NEMP2: variants seen among roughly 807,000 people sequenced by gnomAD.
The protein encoded by NEMP2 is UPF0571 transmembrane protein.
Under a neutral mutation model 54.2 loss-of-function variants are expected in NEMP2, and 53 were observed. The observed-to-expected ratio is 0.98, with a 90% confidence interval of 0.78 to 1.23. The LOEUF (loss-of-function observed/expected upper bound fraction) is 1.23, where lower values mean the gene tolerates loss of function less well. Ranked by LOEUF, NEMP2 falls within the 50% of genes most tolerant of loss-of-function variation. The pLI is 0.00. For missense variants in NEMP2, 455 were observed against 511.3 expected, an observed-to-expected ratio of 0.89 and a Z score of 1.06; for synonymous variants, 197 against 190.3, an observed-to-expected ratio of 1.04 and a Z score of -0.29.
At chr2:190,549,427 G>C in the NEMP2 span, among the ~76,000 whole-genome samples, 3 of 152,088 alleles carry the variant, frequency 2.0e-5, no homozygotes, top group African/African-American at 7.2e-5. Flanking sequence ...CTACTATTTG[G>C]CTACCCAATG....
chr2:190,423,596 A>G, the NEMP2 span, among the ~76,000 whole-genome samples: 1 of 152,212 alleles, frequency 6.6e-6, no homozygotes, highest in Non-Finnish European at 1.5e-5. The surrounding 1 kb of genome is among the most constrained non-coding windows in gnomAD (Gnocchi z 4.3). Flanking sequence ...GCTGCTATAA[A>G]CATTTATGCA....
At chr2:190,477,903 T>C in the NEMP2 span, among the ~76,000 whole-genome samples, 1 of 152,122 alleles carries the variant, frequency 6.6e-6, no homozygotes, top group Non-Finnish European at 1.5e-5. Context: ...GAAGGGCGAA[T>C]AGGAATCTAC....
chr2:190,549,377 A>T, the NEMP2 span, among the ~76,000 whole-genome samples: 1 of 152,306 alleles, frequency 6.6e-6, no homozygotes, highest in African/African-American at 2.4e-5. Context: ...TTTTTCATAT[A>T]TTAGTTGGAA....
chr2:190,468,343 T>G, the NEMP2 span, among the ~76,000 whole-genome samples: 2 of 152,226 alleles, frequency 1.3e-5, no homozygotes, highest in Non-Finnish European at 2.9e-5. Flanking sequence ...TTTTTGTCTT[T>G]TCTTCATCTT....
In NEMP2 at chr2:190,523,744, C is replaced by T. The variant is rs1478933932; in HGVS notation, c.213+1519G>A. 1.3e-5 allele frequency among the ~76,000 whole-genome samples: 2 copies of T among 152,120 alleles called. No individual in the cohort carries two copies. The highest frequency in any genetic ancestry group is 1.3e-4 in the Admixed American group (2 of 15,262). ...GGACACAGGAGCTAGTTTGAAGGGG[C>T]CCTGACTGGCTAAATCTAGGACAAT... On this transcript the variant is annotated intron_variant, in intron 2 of 8. Transcript: ENST00000409150. The surrounding 1 kb of genome is among the most constrained non-coding windows in gnomAD (Gnocchi z 5.3).
chr2:190,538,358 T>A (rs184057840), upstream of NEMP2, among the ~76,000 whole-genome samples: 1 of 152,336 alleles, frequency 6.6e-6, no homozygotes, highest in East Asian at 1.9e-4. This position sits in a 1 kb window ranked among gnomAD's most constrained non-coding sequence, Gnocchi z 4.1. Flanking sequence ...CCACATTTTT[T>A]AATCCATTCA....
chr2:190,607,101 GT>G, the NEMP2 span, among the ~76,000 whole-genome samples: 1 of 152,178 alleles, frequency 6.6e-6, no homozygotes, highest in Non-Finnish European at 1.5e-5. This position sits in a 1 kb window ranked among gnomAD's most constrained non-coding sequence, Gnocchi z 5.2. Context: ...CTGAAGGCAA[GT>G]TTCCCAAGAA....
At chr2:190,596,874 T>C in the NEMP2 span, among the ~76,000 whole-genome samples, 1 of 152,192 alleles carries the variant, frequency 6.6e-6, no homozygotes, top group African/African-American at 2.4e-5. This position sits in a 1 kb window ranked among gnomAD's most constrained non-coding sequence, Gnocchi z 5.1. Context: ...AACATACTCA[T>C]TCACCCATGA....
chr2:190,454,601 A>G, the NEMP2 span: 2 of 152,108 alleles, frequency 1.3e-5, no homozygotes, highest in African/African-American at 4.8e-5. This position sits in a 1 kb window ranked among gnomAD's most constrained non-coding sequence, Gnocchi z 4.6. Flanking sequence ...GTGGTCATCT[A>G]CAAGCCAGGA....
At chr2:190,500,058 A>G (rs768389713), downstream of NEMP2, 2 of 1,614,238 alleles carry the variant, frequency 1.2e-6, no homozygotes, top group South Asian at 2.2e-5. This position sits in a 1 kb window ranked among gnomAD's most constrained non-coding sequence, Gnocchi z 5.3. Flanking sequence ...GGTAGAGCCC[A>G]GCCTGTCCCA....
At chr2:190,633,376 C>T in the NEMP2 span, among the ~76,000 whole-genome samples, 5 of 148,726 alleles carry the variant, frequency 3.4e-5, no homozygotes, top group East Asian at 2.0e-4. Flanking sequence ...TGCAATGGCG[C>T]GATCTTGGCT....
At chr2:190,628,901 C>G in the NEMP2 span, among the ~76,000 whole-genome samples, 2 of 152,148 alleles carry the variant, frequency 1.3e-5, no homozygotes, top group African/African-American at 4.8e-5. This position sits in a 1 kb window ranked among gnomAD's most constrained non-coding sequence, Gnocchi z 4.1. Context: ...AAAATCCTCT[C>G]CTCAGATGTT....
the NEMP2 span, chr2:190,625,860 T>C: frequency 1.3e-5 from 2 of 152,182 alleles, no homozygotes; most frequent in Non-Finnish European, 2.9e-5. Context: ...ACCAAATTAA[T>C]TTTAGTCATA....
the NEMP2 span, among the ~76,000 whole-genome samples, chr2:190,543,935 T>C: frequency 2.0e-5 from 3 of 152,338 alleles, no homozygotes; most frequent in South Asian, 6.2e-4. The surrounding 1 kb of genome is among the most constrained non-coding windows in gnomAD (Gnocchi z 4.7). Flanking sequence ...AGAAGTAAAA[T>C]TCAGCTCATG....
the NEMP2 span, among the ~76,000 whole-genome samples, chr2:190,422,915 T>C: frequency 5.9e-5 from 9 of 152,162 alleles, no homozygotes; most frequent in Non-Finnish European, 1.2e-4. Context: ...TTAAGTTCTT[T>C]TGTTGTAGAA....
At chr2:190,643,781 G>C in the NEMP2 span, among the ~76,000 whole-genome samples, 2 of 152,068 alleles carry the variant, frequency 1.3e-5, no homozygotes, top group African/African-American at 4.8e-5. Flanking sequence ...AGAAAAATTA[G>C]CCGGGCATGG....
At chr2:190,565,028 G>A in the NEMP2 span, among the ~76,000 whole-genome samples, 1 of 152,160 alleles carries the variant, frequency 6.6e-6, no homozygotes, top group African/African-American at 2.4e-5. Flanking sequence ...GCAGAGAGTG[G>A]GGGTGAGGTA....
the NEMP2 span, among the ~76,000 whole-genome samples, chr2:190,438,237 G>T: frequency 6.6e-6 from 1 of 151,636 alleles, no homozygotes; most frequent in Non-Finnish European, 1.5e-5. This position sits in a 1 kb window ranked among gnomAD's most constrained non-coding sequence, Gnocchi z 5.2. Context: ...TCTATAGGCT[G>T]GGCACAGTGG....
chr2:190,425,886 G>C, the NEMP2 span, among the ~76,000 whole-genome samples: 1 of 151,866 alleles, frequency 6.6e-6, no homozygotes, highest in African/African-American at 2.4e-5. This position sits in a 1 kb window ranked among gnomAD's most constrained non-coding sequence, Gnocchi z 4.3. Context: ...AAAAAAAATT[G>C]TGCCACTTCC....
Sources: allele counts gnomAD v4.1 joint callset (sites outside exome capture counted in the v4.1 genomes callset), GRCh38; gene constraint gnomAD v4.1.1; non-coding constraint Gnocchi (gnomAD v3.1); transcripts MANE v1.5; gene names NCBI Gene and HGNC (gene_info 2026-07-23, HGNC 2026-07-21).